Variants in VWF observed in about 807,000 individuals in gnomAD.
VWF encodes the protein von Willebrand factor.
A neutral mutation model predicts 308.6 loss-of-function variants in VWF; 176 were observed. The observed-to-expected ratio is 0.57, with a 90% CI of 0.50 to 0.65. VWF has a LOEUF of 0.65. Among genes scored for constraint, VWF ranks in the 30% least tolerant of loss-of-function variants. VWF has a pLI of 0.00. For missense variants in VWF, 3,146 were observed against 3,648.2 expected, an observed-to-expected ratio of 0.86 and a Z score of 3.55; for synonymous variants, 1,385 against 1,443.4, an observed-to-expected ratio of 0.96 and a Z score of 0.92.
rs756689338 is a variant in VWF at position 5,992,026 on chromosome 12, C to G, written c.6599-8G>C. On this transcript the variant is annotated splice_polypyrimidine_tract_variant and splice_region_variant and intron_variant, in intron 37 of 51. Transcript: ENST00000261405. ...ATGGTGGGCATGACATAGCTGTAGA[C>G]AGAGAAGGAGGTCACTTGCAAAGGC... is the stretch of plus-strand genomic sequence containing the variant. 2 of 1,613,754 alleles carry G rather than the reference C, an allele frequency of 1.2e-6. No homozygotes were observed. The highest frequency in any genetic ancestry group is 2.7e-5 in the African/African-American group (2 of 74,926).
intron 47 of VWF, among the ~76,000 whole-genome samples, chr12:5,959,187 G>A (rs775059499): frequency 6.6e-6 from 1 of 152,084 alleles, no homozygotes; most frequent in Non-Finnish European, 1.5e-5. Context: ...AGGCCTGGGC[G>A]ACACAGTGAG....
Position 6,032,411 on chromosome 12 carries a change from G to A in VWF, c.2686-833C>T, listed in dbSNP as rs182625001. 1.7e-3 allele frequency among the ~76,000 whole-genome samples: 254 copies of A among 151,718 alleles called. 4 individuals are homozygous for A. Among genetic ancestry groups the A allele is most frequent in the Middle Eastern group, 0.01 (3 of 288 alleles). On this transcript the variant is annotated intron_variant, in intron 20 of 51. Coordinates refer to ENST00000261405, the MANE Select transcript of VWF (RefSeq NM_000552.5). ...TCCCAGCACTTTGGGAGGCTGAGGC[G>A]GGCGGATCACGAGGTCAGGAGATCG...
chr12:6,010,553 G>GT (rs1565828176), intron 34 of VWF, among the ~76,000 whole-genome samples: 1 of 152,140 alleles, frequency 6.6e-6, no homozygotes, highest in Non-Finnish European at 1.5e-5. Flanking sequence ...AAATTCGTTC[G>GT]TATGTTCAGG....
chr12:6,041,605 C>T (rs1289541489), intron 18 of VWF, among the ~76,000 whole-genome samples: 24 of 151,904 alleles, frequency 1.6e-4, no homozygotes, highest in African/African-American at 5.5e-4. Context: ...CCCGCCACCA[C>T]GCCCAGCTAA....
chr12:6,023,637 A>G lies in VWF; in HGVS notation c.3373T>C (p.Leu1125=). The change falls in exon 25 of 52, where the codon TTG becomes CTG. Residue 1125 remains leucine (L), a synonymous_variant. Coordinates refer to ENST00000261405, the MANE Select transcript of VWF (RefSeq NM_000552.5). ...TGAGGGCGTCAGTACTCACGGCACAATGTGGCCGTCCTCCAGGTCACCACC... is the reference window on the plus strand; with the variant it reads ...TGAGGGCGTCAGTACTCACGGCACAGTGTGGCCGTCCTCCAGGTCACCACC... ...GKVVTWRTAT[L]CPQSCEERNL... The G allele has an allele frequency of 1.2e-6, 2 of 1,613,818 alleles. No individual in the cohort carries two copies. Among genetic ancestry groups the G allele is most frequent in the Non-Finnish European group, 1.7e-6 (2 of 1,179,996 alleles).
At chr12:6,051,546 T>A (rs937617094) in intron 16 of VWF, among the ~76,000 whole-genome samples, 1 of 152,158 alleles carries the variant, frequency 6.6e-6, no homozygotes, top group Non-Finnish European at 1.5e-5. Context: ...AGTGTTGGGA[T>A]TACAGGCGTG....
In VWF at chr12:6,051,217, G is replaced by A. The variant is rs1054247240; in HGVS notation, c.2186+1326C>T. ...TTGAAGCTGGGAATGGATACGTTGG[G>A]GCTCCTTATACTATTCTCTCTACTT... On this transcript the variant is annotated intron_variant, in intron 16 of 51. Transcript: ENST00000261405. Among the ~76,000 whole-genome samples the A allele has an allele frequency of 2.0e-5, 3 of 151,896 alleles. No homozygotes were observed. The East Asian group carries it at 5.8e-4, about 29-fold the overall frequency.
intron 3 of VWF, among the ~76,000 whole-genome samples, chr12:6,120,843 G>A (rs751344323): frequency 1.3e-4 from 20 of 152,206 alleles, no homozygotes; most frequent in Middle Eastern, 6.8e-3. Flanking sequence ...TCTCTGGCAA[G>A]GAGTTTTACA....
intron 6 of VWF, among the ~76,000 whole-genome samples, chr12:6,092,697 A>C (rs1266511245): frequency 6.7e-6 from 1 of 149,748 alleles, no homozygotes; most frequent in East Asian, 2.0e-4. Context: ...CTTCCTGGTA[A>C]GAGACCACCA....
At chr12:6,013,277 T>C (rs191978156) in intron 32 of VWF, among the ~76,000 whole-genome samples, 389 of 152,302 alleles carry the variant, frequency 2.6e-3, no homozygotes, top group Non-Finnish European at 4.3e-3. Context: ...CACAGAAAGC[T>C]TTCTGCTGGC....
At position 6,013,565 on chromosome 12, in the gene VWF, AG is replaced by A. The variant is rs1444616480; in HGVS notation, c.5535del (p.Ser1846ProfsTer4). ...QLRILAGPAG[D>X]SNVVKLQRIE... The stretch of plus-strand genomic sequence containing the variant: ...ATTCGCTGGAGCTTCACCACGTTGG[AG>A]TCGCCTGCTGGGCCTGCCAAGATCC... On this transcript the variant is annotated frameshift_variant, in exon 32 of 52. Coordinates refer to ENST00000261405, the MANE Select transcript of VWF (RefSeq NM_000552.5). LOFTEE classifies it high-confidence loss of function. 6.2e-7 allele frequency: 1 copy of A among 1,614,044 alleles called. No individual in the cohort carries two copies. Among genetic ancestry groups the A allele is most frequent in the Admixed American group, 1.7e-5 (1 of 60,022 alleles).
rs142657545 is a variant in VWF, at chr12:6,061,261, CG to C, written c.1533+1692del. On this transcript the variant is annotated intron_variant, in intron 13 of 51. Transcript: ENST00000261405. ...TAACGTGAAGCACCCCCTTGAAGACCGGGGTGCAGGAGGCAAGACTGGTCAG... is the reference window on the plus strand; with the variant it reads ...TAACGTGAAGCACCCCCTTGAAGACCGGGTGCAGGAGGCAAGACTGGTCAG... Among the ~76,000 whole-genome samples, 686 of 151,768 alleles carry C rather than the reference CG, an allele frequency of 4.5e-3. 7 individuals are homozygous for C. The highest frequency in any genetic ancestry group is 0.016 in the African/African-American group (657 of 41,424).
At chr12:6,054,583 G>A (rs1426640899) in intron 15 of VWF, among the ~76,000 whole-genome samples, 6 of 152,196 alleles carry the variant, frequency 3.9e-5, no homozygotes, top group African/African-American at 1.4e-4. Context: ...TGCATGCCAG[G>A]GGCTATGCTA....
intron 34 of VWF, among the ~76,000 whole-genome samples, chr12:6,006,780 AT>A (rs1354227505): frequency 1.3e-5 from 2 of 152,228 alleles, no homozygotes; most frequent in Admixed American, 6.5e-5. Flanking sequence ...CTCCATCTAA[AT>A]AAATTAAGTA....
intron 6 of VWF, among the ~76,000 whole-genome samples, chr12:6,079,234 A>C (rs1336230578): frequency 6.6e-6 from 1 of 152,132 alleles, no homozygotes; most frequent in Non-Finnish European, 1.5e-5. Flanking sequence ...TTAGGTGGCT[A>C]TCTCTGCTGC....
At position 6,085,340 on chromosome 12, in the gene VWF, G is replaced by A. The variant is rs111984693; in HGVS notation, c.658-9789C>T. 7.5e-3 allele frequency among the ~76,000 whole-genome samples: 1,137 copies of A among 152,296 alleles called. 13 individuals carry two copies. Among genetic ancestry groups the A allele is most frequent in the African/African-American group, 0.025 (1,057 of 41,558 alleles). ...CGCTATCACTTACCATTCACTTGGCGATTTGTCATTTACTAACCCCAGACA... is the reference window on the plus strand; with the variant it reads ...CGCTATCACTTACCATTCACTTGGCAATTTGTCATTTACTAACCCCAGACA... On this transcript the variant is annotated intron_variant, in intron 6 of 51. Coordinates refer to ENST00000261405, the MANE Select transcript of VWF (RefSeq NM_000552.5).
intron 42 of VWF, 150 bp downstream of exon 42, chr12:5,981,636 G>T: frequency 1.1e-6 from 1 of 939,220 alleles, no homozygotes; most frequent in Non-Finnish European, 1.7e-6. Context: ...TGGGTAGGAT[G>T]CAAATCTTCC....
At position 6,044,390 on chromosome 12, in the gene VWF, C is replaced by T; in HGVS notation, c.2343G>A (p.Leu781=). 1 of 1,614,210 alleles carries T rather than the reference C, an allele frequency of 6.2e-7. No individual in the cohort carries two copies. The highest frequency in any genetic ancestry group is 1.1e-5 in the South Asian group (1 of 91,086). ...TGGTACACTCGAGCCCTTCAGCCCG[C>T]AGGTTGTCAGCGGGACACACCAGCT... ...MVKLVCPADN[L]RAEGLECTKT... is the part of the protein sequence containing the mutation. The change falls in exon 18 of 52, where the codon CTG becomes CTA. Residue 781 remains leucine (L), a synonymous_variant. Coordinates refer to ENST00000261405, the MANE Select transcript of VWF (RefSeq NM_000552.5).
At position 6,075,326 on chromosome 12, in the gene VWF, C is replaced by A; in HGVS notation, c.874+9G>T. ...CGGCAGGGCAGGACGGGGCAGGGGGCCGACTTACTGCACGCGCTGTGGTCG... is the reference window on the plus strand; with the variant it reads ...CGGCAGGGCAGGACGGGGCAGGGGGACGACTTACTGCACGCGCTGTGGTCG... On this transcript the variant is annotated intron_variant, in intron 7 of 51. Transcript: ENST00000261405. The surrounding 1 kb of genome is among the most constrained non-coding windows in gnomAD (Gnocchi z 4.7). The A allele has an allele frequency of 1.2e-6, 2 of 1,613,828 alleles. No homozygotes were observed. Among genetic ancestry groups the A allele is most frequent in the Non-Finnish European group, 8.5e-7 (1 of 1,179,964 alleles).
Sources: allele counts gnomAD v4.1 joint callset (sites outside exome capture counted in the v4.1 genomes callset), GRCh38; gene constraint gnomAD v4.1.1; non-coding constraint Gnocchi (gnomAD v3.1); transcripts MANE v1.5; gene names NCBI Gene and HGNC (gene_info 2026-07-23, HGNC 2026-07-21).